The following LRBA variants were observed in gnomAD, a reference collection of about 807,000 sequenced individuals.
LRBA encodes LPS responsive beige-like anchor protein.
In LRBA, 176 loss-of-function variants were observed where a neutral mutation model predicts 330.0. The observed-to-expected ratio is 0.53, with a 90% CI of 0.47 to 0.60. LRBA has a LOEUF of 0.60. Among genes scored for constraint, LRBA ranks in the 20% least tolerant of loss-of-function variants. LRBA has a pLI of 0.00. For synonymous variants in LRBA, 1,230 were observed against 1,193.0 expected, an observed-to-expected ratio of 1.03 and a Z score of -0.64; for missense variants, 3,259 against 3,444.8, an observed-to-expected ratio of 0.95 and a Z score of 1.35.
At chr4:150,758,061 CAGG>C (rs1237723109) in intron 35 of LRBA, among the ~76,000 whole-genome samples, 1 of 152,108 alleles carries the variant, frequency 6.6e-6, no homozygotes, top group African/African-American at 2.4e-5. Context: ...ATAGCAATAG[CAGG>C]AGTATTAGCA....
chr4:150,677,432 T>A (rs1475404173), intron 37 of LRBA, among the ~76,000 whole-genome samples: 1 of 152,214 alleles, frequency 6.6e-6, no homozygotes, highest in Non-Finnish European at 1.5e-5. Context: ...CAACTTGAAT[T>A]TATTTTTCAA....
intron 51 of LRBA, chr4:150,311,438 G>T (rs1731055550): frequency 6.6e-6 from 1 of 152,124 alleles, no homozygotes; most frequent in Non-Finnish European, 1.5e-5. Context: ...TTCATTGTAT[G>T]TAATAACTAT....
intron 2 of LRBA, among the ~76,000 whole-genome samples, chr4:150,971,825 C>G (rs1466929460): frequency 6.6e-6 from 1 of 152,090 alleles, no homozygotes; most frequent in Non-Finnish European, 1.5e-5. Flanking sequence ...AACAGGTATG[C>G]AATCTGAAGC....
At chr4:150,459,832 T>C (rs1183116246) in intron 44 of LRBA, among the ~76,000 whole-genome samples, 1 of 151,934 alleles carries the variant, frequency 6.6e-6, no homozygotes, top group African/African-American at 2.4e-5. Context: ...CAATAAAACA[T>C]ATCCAAAACA....
At chr4:150,508,083 TG>T (rs1370636940) in intron 40 of LRBA, among the ~76,000 whole-genome samples, 2 of 46,550 alleles carry the variant, frequency 4.3e-5, no homozygotes, top group Non-Finnish European at 3.9e-5. Flanking sequence ...TGTTGTGGGG[TG>T]GGGGGAGGGG....
intron 49 of LRBA, among the ~76,000 whole-genome samples, chr4:150,323,538 C>G (rs527434965): frequency 2.0e-5 from 3 of 152,218 alleles, no homozygotes; most frequent in Non-Finnish European, 2.9e-5. Context: ...TGGGCCAACT[C>G]TAAGCCACAC....
At chr4:150,666,391 A>G (rs1781558325) in intron 37 of LRBA, among the ~76,000 whole-genome samples, 1 of 152,062 alleles carries the variant, frequency 6.6e-6, no homozygotes, top group Non-Finnish European at 1.5e-5. Flanking sequence ...GTGTGCCTGT[A>G]ATCCCAGCTA....
intron 38 of LRBA, among the ~76,000 whole-genome samples, chr4:150,598,417 C>A (rs1447559326): frequency 6.6e-6 from 1 of 152,016 alleles, no homozygotes; most frequent in African/African-American, 2.4e-5. Context: ...ATCAAAAAAG[C>A]AAAAATGTTT....
intron 40 of LRBA, among the ~76,000 whole-genome samples, chr4:150,558,751 G>A (rs1044139774): frequency 1.3e-5 from 2 of 152,100 alleles, no homozygotes; most frequent in African/African-American, 4.8e-5. Context: ...ACCAATCCAT[G>A]TATACACACC....
intron 40 of LRBA, among the ~76,000 whole-genome samples, chr4:150,538,567 A>T (rs1764939954): frequency 6.6e-6 from 1 of 152,208 alleles, no homozygotes; most frequent in Non-Finnish European, 1.5e-5. Context: ...GTTCTCATTC[A>T]TAAATGGGAG....
At chr4:150,654,563 T>G (rs1779997332) in intron 37 of LRBA, among the ~76,000 whole-genome samples, 1 of 152,166 alleles carries the variant, frequency 6.6e-6, no homozygotes, top group Non-Finnish European at 1.5e-5. Flanking sequence ...TTTATTATAC[T>G]TTAAGTTTTA....
chr4:150,306,136 A>C (rs1482334052), intron 52 of LRBA, among the ~76,000 whole-genome samples: 3 of 152,186 alleles, frequency 2.0e-5, no homozygotes, highest in Admixed American at 1.3e-4. Flanking sequence ...ATGTGGCCTG[A>C]AAATAATTCC....
intron 40 of LRBA, among the ~76,000 whole-genome samples, chr4:150,522,838 C>A (rs1382530220): frequency 6.6e-6 from 1 of 152,174 alleles, no homozygotes; most frequent in Admixed American, 6.5e-5. Flanking sequence ...CCAAGAGTCC[C>A]ATGGCCAAGG....
At chr4:150,330,228 T>C (rs75388105) in intron 48 of LRBA, among the ~76,000 whole-genome samples, 1,773 of 152,286 alleles carry the variant, frequency 0.012, 28 homozygotes, top group African/African-American at 0.04. Flanking sequence ...TTACATTTTC[T>C]ACCATGCCAC....
intron 2 of LRBA, among the ~76,000 whole-genome samples, chr4:150,964,081 G>A (rs1298840554): frequency 6.7e-6 from 1 of 149,068 alleles, no homozygotes; most frequent in Non-Finnish European, 1.5e-5. Context: ...CCCCGTCCGG[G>A]AAGTGAGGAG....
At chr4:150,602,629 G>A (rs989295984) in intron 37 of LRBA, among the ~76,000 whole-genome samples, 1 of 152,050 alleles carries the variant, frequency 6.6e-6, no homozygotes, top group Non-Finnish European at 1.5e-5. Flanking sequence ...TTATAAAGGA[G>A]AATGTGTAGG....
chr4:150,555,756 A>ACACACACACACACACAC (rs1767227376), intron 40 of LRBA, among the ~76,000 whole-genome samples: 12 of 144,698 alleles, frequency 8.3e-5, no homozygotes, highest in African/African-American at 2.3e-4. Context: ...GTCTTATAAA[A>ACACACACACACACACAC]ACACACACAC....
At chr4:150,720,070 G>C (rs908834469) in intron 36 of LRBA, among the ~76,000 whole-genome samples, 4 of 152,216 alleles carry the variant, frequency 2.6e-5, no homozygotes, top group Admixed American at 2.6e-4. Flanking sequence ...AAATCAAACT[G>C]TAGCTCAGGA....
intron 37 of LRBA, among the ~76,000 whole-genome samples, chr4:150,636,241 T>C (rs1777898881): frequency 1.3e-5 from 2 of 151,654 alleles, no homozygotes; most frequent in Admixed American, 1.3e-4. Context: ...ACTTTGGAAC[T>C]ATGCAAATTT....
Sources: allele counts gnomAD v4.1 joint callset (sites outside exome capture counted in the v4.1 genomes callset), GRCh38; gene constraint gnomAD v4.1.1; transcripts MANE v1.5; gene names NCBI Gene and HGNC (gene_info 2026-07-23, HGNC 2026-07-21).